The following MFSD8 variants were observed in gnomAD, a reference collection of about 807,000 sequenced individuals.
MFSD8 encodes the protein major facilitator superfamily domain containing 8.
In MFSD8, 55 loss-of-function variants were observed where a neutral mutation model predicts 66.4. That is an observed-to-expected ratio of 0.83 (90% CI 0.67 to 1.04). MFSD8 has a LOEUF of 1.04. MFSD8 is among the 50% of genes least tolerant of loss of function. MFSD8 has a pLI of 0.00. For missense variants in MFSD8, 550 were observed against 627.6 expected (o/e 0.88, Z 1.32); for synonymous variants, 202 against 212.8 (o/e 0.95, Z 0.44).
intron 2 of MFSD8, among the ~76,000 whole-genome samples, chr4:127,956,500 GAAA>G (rs781476965): frequency 5.8e-5 from 6 of 104,252 alleles, no homozygotes; most frequent in African/African-American, 1.4e-4. Context: ...ACTCCGTCTT[GAAA>G]AAAAAAAAAA....
rs1736221866 is a variant in MFSD8 at position 127,920,726 on chromosome 4, C to T, written c.1461G>A (p.Leu487=). The change falls in exon 12 of 12, where the codon CTG becomes CTA. Residue 487 remains leucine, a synonymous_variant. Coordinates refer to ENST00000641686, the MANE Select transcript of MFSD8 (RefSeq NM_001371596.2). ...TGGTGAGCACTATTATTCCACACACCAGGCTGAATGCCCATCGTGGTCCCC... is the reference window on the plus strand; with the variant it reads ...TGGTGAGCACTATTATTCCACACACTAGGCTGAATGCCCATCGTGGTCCCC... ...AHWGPRWAFS[L]VCGIIVLTIT... 1.2e-6 allele frequency: 2 copies of T among 1,613,890 alleles called. No individual in the cohort carries two copies. Among genetic ancestry groups the T allele is most frequent in the Non-Finnish European group, 8.5e-7 (1 of 1,180,006 alleles).
chr4:127,949,722 G>GA (rs1741628635), intron 3 of MFSD8, 82 bp downstream of exon 3: 1 of 1,156,312 alleles, frequency 8.6e-7, no homozygotes, highest in Admixed American at 2.0e-5. Flanking sequence ...GAATACCAAA[G>GA]AGACTCTTTA....
chr4:127,924,175 T>A (rs919833165), intron 9 of MFSD8, among the ~76,000 whole-genome samples: 2 of 152,206 alleles, frequency 1.3e-5, no homozygotes, highest in Non-Finnish European at 2.9e-5. Context: ...TCAGAACTTA[T>A]TATTGGTCAA....
At chr4:127,932,388 A>T (rs1370147096) in intron 8 of MFSD8, 1 of 152,380 alleles carries the variant, frequency 6.6e-6, no homozygotes, top group Non-Finnish European at 1.5e-5. Flanking sequence ...CATAGGAAAA[A>T]TGTTTGAAAA....
At chr4:127,933,811 G>A (rs1165051103) in intron 7 of MFSD8, 1 of 152,158 alleles carries the variant, frequency 6.6e-6, no homozygotes, top group African/African-American at 2.4e-5. Context: ...AGAATTTCAT[G>A]AAGAACTCCA....
intron 7 of MFSD8, among the ~76,000 whole-genome samples, chr4:127,937,332 C>G (rs1444117507): frequency 6.6e-6 from 1 of 152,130 alleles, no homozygotes; most frequent in Non-Finnish European, 1.5e-5. Context: ...TTCCTAAATT[C>G]TTGTTCTCTC....
intron 8 of MFSD8, 100 bp from the exon 9 acceptor site, chr4:127,930,917 A>G: frequency 1.7e-6 from 2 of 1,179,086 alleles, no homozygotes; most frequent in South Asian, 3.0e-5. Flanking sequence ...ACATTCAAGA[A>G]TGTGCATGCC....
At chr4:127,925,735 C>A (rs1400411587) in intron 9 of MFSD8, among the ~76,000 whole-genome samples, 2 of 152,176 alleles carry the variant, frequency 1.3e-5, no homozygotes, top group Non-Finnish European at 2.9e-5. Flanking sequence ...AATCCCATTA[C>A]TGGGTATATA....
chr4:127,931,609 A>C (rs1052957781), intron 8 of MFSD8, among the ~76,000 whole-genome samples: 45 of 152,130 alleles, frequency 3.0e-4, no homozygotes, highest in African/African-American at 1.0e-3. Flanking sequence ...CACCTGCCTC[A>C]ACCTCCCAAA....
At chr4:127,957,975 TA>T (rs1743163757) in intron 1 of MFSD8, among the ~76,000 whole-genome samples, 1 of 152,174 alleles carries the variant, frequency 6.6e-6, no homozygotes, top group South Asian at 2.1e-4. Flanking sequence ...TACTAAGTAC[TA>T]AAAAATAATA....
In MFSD8 at chr4:127,920,841, T is replaced by C. The variant is rs1560716066; in HGVS notation, c.1351-5A>G. On this transcript the variant is annotated splice_region_variant and splice_polypyrimidine_tract_variant and intron_variant, in intron 11 of 11. Coordinates refer to ENST00000641686, the MANE Select transcript of MFSD8 (RefSeq NM_001371596.2). ...TAACCAGCCCATGTATACACCCTGT[T>C]GGGGGTGAAATGGAGGACAAGCAGA... The C allele has an allele frequency of 1.4e-5, 23 of 1,612,964 alleles. No homozygotes were observed. The highest frequency in any genetic ancestry group is 1.9e-5 in the Non-Finnish European group (22 of 1,179,634).
At chr4:127,931,263 T>C (rs1738080818) in intron 8 of MFSD8, among the ~76,000 whole-genome samples, 2 of 152,210 alleles carry the variant, frequency 1.3e-5, no homozygotes, top group Admixed American at 6.5e-5. Context: ...TCAATGTCTC[T>C]TCCTTTATAT....
Position 127,933,049 on chromosome 4 carries a change from C to A in MFSD8, c.799G>T (p.Val267Phe). The change falls in exon 8 of 12, where the codon GTT becomes TTT. Residue 267 changes from valine to phenylalanine, a missense_variant. Transcript: ENST00000641686. Reference sequence around the variant, plus strand: ...AGAACATTGATGGCCACAACAGCAACCTGGTCAATATTTCCTTGGGGAACC... The same window carrying A: ...AGAACATTGATGGCCACAACAGCAAACTGGTCAATATTTCCTTGGGGAACC... Reference protein sequence around the residue: ...AQVPQGNIDQVAVVAINVLFF... With the variant: ...AQVPQGNIDQFAVVAINVLFF... The A allele has an allele frequency of 6.2e-7, 1 of 1,613,758 alleles. No individual in the cohort carries two copies. The highest frequency in any genetic ancestry group is 8.5e-7 in the Non-Finnish European group (1 of 1,179,872).
chr4:127,933,720 C>T, intron 7 of MFSD8: 1 of 152,296 alleles, frequency 6.6e-6, no homozygotes, highest in South Asian at 2.1e-4. Flanking sequence ...ACTCTGTTAA[C>T]ATAGTGATCT....
intron 3 of MFSD8, among the ~76,000 whole-genome samples, chr4:127,944,416 A>G (rs1740700925): frequency 6.6e-6 from 1 of 152,222 alleles, no homozygotes; most frequent in Non-Finnish European, 1.5e-5. Flanking sequence ...TTTTAAAAAA[A>G]CTAGGCACAA....
At chr4:127,964,950 G>T in intron 1 of MFSD8, 122 bp downstream of exon 1, 2 of 1,199,898 alleles carry the variant, frequency 1.7e-6, no homozygotes, top group Non-Finnish European at 2.4e-6. Flanking sequence ...CCAGCCACCG[G>T]CTCCCACCGC....
At position 127,919,772 on chromosome 4, in the gene MFSD8, G is replaced by T. The variant is rs1052972092; in HGVS notation, c.*858C>A. On this transcript the variant is annotated 3_prime_UTR_variant, in exon 12 of 12. Transcript: ENST00000641686. ...TTAATTAATGTTTTACTAATTAAAT[G>T]TTTTTCTCCAGTTTAAGGGGGTTGA... The T allele has an allele frequency of 2.0e-5, 3 of 152,036 alleles. No individual in the cohort carries two copies. The highest frequency in any genetic ancestry group is 7.2e-5 in the African/African-American group (3 of 41,396). 9.4% of individuals were successfully genotyped at this position (152,036 alleles called of 1,614,324 possible).
chr4:127,939,971 C>G lies in MFSD8; in HGVS notation c.580G>C (p.Gly194Arg). 1 of 1,613,108 alleles carries G rather than the reference C, an allele frequency of 6.2e-7. No individual in the cohort carries two copies. Among genetic ancestry groups the G allele is most frequent in the Non-Finnish European group, 8.5e-7 (1 of 1,179,600 alleles). ...ACATCCCATGTCACACCTTTTTCTCCAAGGAATGTAAAACAAGTCTGAAAA... is the reference window on the plus strand; with the variant it reads ...ACATCCCATGTCACACCTTTTTCTCGAAGGAATGTAAAACAAGTCTGAAAA... ...PVFQTCFTFL[G>R]EKGVTWDVIK... Residue 194 changes from glycine to arginine, a missense_variant, in exon 6 of 12, where the codon GGA (glycine) becomes CGA (arginine). Coordinates refer to ENST00000641686, the MANE Select transcript of MFSD8 (RefSeq NM_001371596.2).
chr4:127,959,258 T>G (rs537538391), intron 1 of MFSD8, among the ~76,000 whole-genome samples: 1 of 152,206 alleles, frequency 6.6e-6, no homozygotes, highest in Non-Finnish European at 1.5e-5. Context: ...AAACCTGACC[T>G]AGACTCTTCA....
Sources: gnomAD v4.1 joint callset for allele counts (sites outside exome capture counted in the v4.1 genomes callset) on GRCh38, gnomAD v4.1.1 for gene constraint, MANE v1.5 for transcripts, NCBI Gene and HGNC (gene_info 2026-07-23, HGNC 2026-07-21) for gene names.